Variants in PTPRD observed in about 807,000 individuals in gnomAD.
PTPRD encodes protein tyrosine phosphatase receptor type D.
In PTPRD, 34 loss-of-function variants were observed where a neutral mutation model predicts 214.5. The ratio of observed to expected loss-of-function variants is 0.16; its 90% CI spans 0.12 to 0.21. PTPRD has a LOEUF of 0.21. PTPRD is among the 10% of genes least tolerant of loss of function. The pLI, the probability that PTPRD is intolerant of heterozygous loss-of-function variation, is 1.00. For synonymous variants in PTPRD, 1,128 were observed against 845.7 expected (o/e 1.33, Z -5.79); for missense variants, 2,545 against 2,398.7 (o/e 1.06, Z -1.27).
At chr9:9,700,383 A>G (rs921995654) in intron 7 of PTPRD, among the ~76,000 whole-genome samples, 2 of 152,166 alleles carry the variant, frequency 1.3e-5, no homozygotes, top group Non-Finnish European at 2.9e-5. Context: ...GACAATATTT[A>G]TATACTAATG....
chr9:9,921,307 C>G (rs1430274278), intron 5 of PTPRD, among the ~76,000 whole-genome samples: 1 of 151,910 alleles, frequency 6.6e-6, no homozygotes, highest in African/African-American at 2.4e-5. Flanking sequence ...TTTCTGTTTG[C>G]CTGTTTAATA....
At chr9:8,518,476 A>T in intron 20 of PTPRD, 47 bp from the exon 21 acceptor site, 1 of 1,297,604 alleles carries the variant, frequency 7.7e-7, no homozygotes, top group South Asian at 1.5e-5. Flanking sequence ...TCATCCCTAT[A>T]ATATTTCAAA....
At chr9:9,214,947 C>T (rs1046590617) in intron 9 of PTPRD, among the ~76,000 whole-genome samples, 2 of 152,138 alleles carry the variant, frequency 1.3e-5, no homozygotes, top group African/African-American at 2.4e-5. Context: ...AGTATTTGAA[C>T]GAGCCCTTCT....
chr9:9,916,818 A>G (rs1359097338), intron 5 of PTPRD, among the ~76,000 whole-genome samples: 2 of 152,170 alleles, frequency 1.3e-5, no homozygotes, highest in African/African-American at 2.4e-5. Context: ...CAGGATTGAC[A>G]TGTTAGGACA....
At chr9:9,349,869 A>G (rs2050437541) in intron 9 of PTPRD, among the ~76,000 whole-genome samples, 1 of 152,042 alleles carries the variant, frequency 6.6e-6, no homozygotes, top group Non-Finnish European at 1.5e-5. Flanking sequence ...ACCCTAGTCC[A>G]TTGTAAAAAG....
intron 10 of PTPRD, among the ~76,000 whole-genome samples, chr9:9,133,630 G>C (rs1178013567): frequency 1.3e-5 from 2 of 152,188 alleles, no homozygotes; most frequent in African/African-American, 4.8e-5. Flanking sequence ...TGTGAGTACT[G>C]TGTCAAAATC....
intron 35 of PTPRD, among the ~76,000 whole-genome samples, chr9:8,429,632 TATC>T (rs1380146857): frequency 1.3e-5 from 2 of 152,110 alleles, no homozygotes; most frequent in Non-Finnish European, 2.9e-5. Context: ...AAAGGGTCAT[TATC>T]ATCATCACAG....
chr9:8,995,774 G>A (rs1267620979), intron 11 of PTPRD, among the ~76,000 whole-genome samples: 3 of 151,366 alleles, frequency 2.0e-5, no homozygotes, highest in African/African-American at 7.3e-5. Flanking sequence ...ATTCTATTTA[G>A]GATACACAAT....
intron 3 of PTPRD, among the ~76,000 whole-genome samples, chr9:10,050,559 CAAAAAAAAAAAAA>C (rs1164243746): frequency 0.021 from 300 of 14,004 alleles, 8 homozygotes; most frequent in African/African-American, 0.055. Context: ...GAGTCTGTCT[CAAAAAAAAAAAAA>C]AAAAAAAAAA....
At chr9:9,603,304 T>C (rs2093915966) in intron 7 of PTPRD, among the ~76,000 whole-genome samples, 2 of 152,250 alleles carry the variant, frequency 1.3e-5, no homozygotes, top group East Asian at 1.9e-4. Flanking sequence ...GTCAGACACA[T>C]GGTCAAAAAA....
chr9:9,528,899 T>G (rs1015476158), intron 8 of PTPRD, among the ~76,000 whole-genome samples: 1 of 151,550 alleles, frequency 6.6e-6, no homozygotes, highest in Admixed American at 6.6e-5. Context: ...GAGAAAAATA[T>G]GTGTCCTTGA....
Position 8,748,954 on chromosome 9 carries a change from G to C in PTPRD, c.-103-15008C>G, listed in dbSNP as rs1203382727. ...ATTTTCTAACTTGCACTTTAGATTG[G>C]TCCATACACTCCATCACACAAATTT... On this transcript the variant is annotated intron_variant, in intron 11 of 45. Transcript: ENST00000381196. 2.6e-5 allele frequency among the ~76,000 whole-genome samples: 4 copies of C among 152,048 alleles called. No individual in the cohort carries two copies. In the East Asian group the frequency reaches 7.7e-4, roughly 29 times the overall value.
chr9:10,037,580 GAAA>G (rs376794277), intron 3 of PTPRD, among the ~76,000 whole-genome samples: 5,542 of 83,122 alleles, frequency 0.067, 144 homozygotes, highest in Admixed American at 0.17. Flanking sequence ...TATAGCAGTG[GAAA>G]AAAAAAAAAA....
intron 2 of PTPRD, among the ~76,000 whole-genome samples, chr9:10,538,701 T>C (rs1321635121): frequency 6.6e-6 from 1 of 152,154 alleles, no homozygotes; most frequent in East Asian, 1.9e-4. Context: ...TTAATCCTGT[T>C]TATCTTTTAG....
chr9:8,491,315 G>T (rs1166934406), intron 27 of PTPRD, among the ~76,000 whole-genome samples: 2 of 152,104 alleles, frequency 1.3e-5, no homozygotes, highest in Admixed American at 6.6e-5. Context: ...AAATAAAAAG[G>T]GATGAGCTAG....
intron 3 of PTPRD, among the ~76,000 whole-genome samples, chr9:10,138,614 G>C (rs1212501670): frequency 5.3e-5 from 8 of 151,666 alleles, no homozygotes; most frequent in Non-Finnish European, 1.0e-4. Flanking sequence ...ACAATATCAG[G>C]ACAATATTCC....
chr9:9,459,836 A>C (rs1025300717), intron 8 of PTPRD, among the ~76,000 whole-genome samples: 1 of 152,122 alleles, frequency 6.6e-6, no homozygotes, highest in African/African-American at 2.4e-5. Context: ...CAGATTTAGC[A>C]AGAGCAATTC....
intron 8 of PTPRD, among the ~76,000 whole-genome samples, chr9:9,442,859 T>C: frequency 6.6e-6 from 1 of 152,184 alleles, no homozygotes; most frequent in East Asian, 1.9e-4. Flanking sequence ...CTTTTTGGTA[T>C]AATTATTTCC....
chr9:10,005,636 T>C (rs1423416664), intron 4 of PTPRD, among the ~76,000 whole-genome samples: 1 of 152,126 alleles, frequency 6.6e-6, no homozygotes, highest in Non-Finnish European at 1.5e-5. Flanking sequence ...GTTATGTGCC[T>C]TCATTAATCA....
Sources: gnomAD v4.1 joint callset for allele counts (sites outside exome capture counted in the v4.1 genomes callset) on GRCh38, gnomAD v4.1.1 for gene constraint, MANE v1.5 for transcripts, NCBI Gene and HGNC (gene_info 2026-07-23, HGNC 2026-07-21) for gene names.